Variants in CRADD observed in about 807,000 individuals in gnomAD.
The protein encoded by CRADD is CARD and death domain containing adaptor protein, also known as death domain-containing protein CRADD.
CRADD carries 9 observed loss-of-function variants against 15.5 expected under a neutral mutation model. That is an observed-to-expected ratio of 0.58 (90% CI 0.35 to 1.01). CRADD has a LOEUF of 1.01. Ranked by LOEUF, CRADD falls within the 50% of genes least tolerant of loss-of-function variation. The pLI is 0.02. For synonymous variants in CRADD, 118 were observed against 107.6 expected (o/e 1.10, Z -0.60); for missense variants, 227 against 250.3 (o/e 0.91, Z 0.63).
Position 93,743,729 on chromosome 12 carries a change from G to A in CRADD, c.298+64657G>A, listed in dbSNP as rs77018674. 8.9e-3 allele frequency among the ~76,000 whole-genome samples: 1,355 copies of A among 152,116 alleles called. 28 individuals carry two copies. Among genetic ancestry groups the A allele is most frequent in the African/African-American group, 0.031 (1,298 of 41,486 alleles). On this transcript the variant is annotated intron_variant, in intron 2 of 2. Transcript: ENST00000332896. ...TCAGGGCAACTATGATCACATATTGGGCTCCAGATCCTTGCTTTATGCATC... is the reference window on the plus strand; with the variant it reads ...TCAGGGCAACTATGATCACATATTGAGCTCCAGATCCTTGCTTTATGCATC...
chr12:93,764,360 A>G (rs988111857), intron 2 of CRADD, among the ~76,000 whole-genome samples: 3 of 151,960 alleles, frequency 2.0e-5, no homozygotes, highest in Non-Finnish European at 4.4e-5. Flanking sequence ...ATGTTTAGGG[A>G]TACAAGAGAA....
At chr12:93,801,797 G>A (rs988025616) in intron 2 of CRADD, among the ~76,000 whole-genome samples, 2 of 152,028 alleles carry the variant, frequency 1.3e-5, no homozygotes, top group African/African-American at 4.8e-5. Context: ...TAGTGCACCC[G>A]TCACTTGAGC....
At chr12:93,740,989 T>TTATAAA (rs756685524) in intron 2 of CRADD, among the ~76,000 whole-genome samples, 3 of 152,352 alleles carry the variant, frequency 2.0e-5, no homozygotes, top group Non-Finnish European at 4.4e-5. Context: ...CTTTGCTTTC[T>TTATAAA]TATAAACACT....
intron 2 of CRADD, among the ~76,000 whole-genome samples, chr12:93,817,222 G>A (rs1203088294): frequency 6.6e-6 from 1 of 152,138 alleles, no homozygotes; most frequent in African/African-American, 2.4e-5. Flanking sequence ...TCCTTCAAGA[G>A]ACTGTGACTT....
chr12:93,868,206 C>A (rs1272910647), intron 2 of CRADD, among the ~76,000 whole-genome samples: 1 of 152,150 alleles, frequency 6.6e-6, no homozygotes, highest in African/African-American at 2.4e-5. Context: ...ATGTTCATTG[C>A]ATCATTGCTT....
intron 2 of CRADD, among the ~76,000 whole-genome samples, chr12:93,736,158 A>T (rs1054724333): frequency 5.9e-5 from 9 of 152,156 alleles, no homozygotes; most frequent in African/African-American, 2.2e-4. Context: ...TTTTAGAAAG[A>T]CTTTTGGGGA....
rs903672898 is a variant in CRADD at position 93,883,134 on chromosome 12, C to T, written c.299-10916C>T. Among the ~76,000 whole-genome samples the T allele has an allele frequency of 5.3e-5, 8 of 152,252 alleles. No homozygotes were observed. The East Asian group carries it at 1.5e-3, about 29-fold the overall frequency. Reference sequence around the variant, plus strand: ...GGACAAAGGAGGGAGAAAATGTTCTCCACTGTGAAGACGAGATCACTCTAT... The same window carrying T: ...GGACAAAGGAGGGAGAAAATGTTCTTCACTGTGAAGACGAGATCACTCTAT... On this transcript the variant is annotated intron_variant, in intron 2 of 2. Transcript: ENST00000548483.
At chr12:93,735,679 T>C (rs1592945496) in intron 2 of CRADD, 1 of 152,174 alleles carries the variant, frequency 6.6e-6, no homozygotes. Flanking sequence ...GGCGAGAAGA[T>C]CGCTTGAAGC....
intron 2 of CRADD, among the ~76,000 whole-genome samples, chr12:93,698,770 T>C (rs1326457448): frequency 6.6e-6 from 1 of 152,200 alleles, no homozygotes; most frequent in African/African-American, 2.4e-5. Flanking sequence ...TGTGCACTTT[T>C]AAATGGTTGA....
chr12:93,795,500 C>T (rs1957404749), intron 2 of CRADD, among the ~76,000 whole-genome samples: 1 of 152,206 alleles, frequency 6.6e-6, no homozygotes, highest in African/African-American at 2.4e-5. Flanking sequence ...TTCATGGCTG[C>T]TCGCACGTCC....
chr12:93,880,500 C>T (rs1442172518), intron 2 of CRADD, among the ~76,000 whole-genome samples: 9 of 152,236 alleles, frequency 5.9e-5, no homozygotes, highest in Middle Eastern at 3.4e-3. Flanking sequence ...AATGGGACTG[C>T]GCAGCTCACC....
At chr12:93,828,492 T>C (rs1237624770) in intron 2 of CRADD, among the ~76,000 whole-genome samples, 2 of 152,220 alleles carry the variant, frequency 1.3e-5, no homozygotes, top group East Asian at 3.8e-4. Context: ...GTGTATGATA[T>C]GGGGTATGCC....
intron 2 of CRADD, among the ~76,000 whole-genome samples, chr12:93,762,847 A>G (rs1320966780): frequency 1.3e-5 from 2 of 152,180 alleles, no homozygotes; most frequent in Non-Finnish European, 2.9e-5. Flanking sequence ...AAGAACAGGT[A>G]AGCTAAATAA....
intron 2 of CRADD, among the ~76,000 whole-genome samples, chr12:93,849,736 G>A (rs1958185479): frequency 7.7e-6 from 1 of 129,982 alleles, no homozygotes; most frequent in African/African-American, 3.1e-5. Context: ...GTGAAACACC[G>A]TCTCAAAAAA....
At chr12:93,836,385 G>T (rs1362331851) in intron 2 of CRADD, among the ~76,000 whole-genome samples, 2 of 152,044 alleles carry the variant, frequency 1.3e-5, no homozygotes. Context: ...AGGTGTTAGG[G>T]GATGGAGACT....
intron 2 of CRADD, among the ~76,000 whole-genome samples, chr12:93,750,338 G>T (rs1205267345): frequency 6.6e-6 from 1 of 152,154 alleles, no homozygotes; most frequent in Non-Finnish European, 1.5e-5. Context: ...TTTCAGAGTC[G>T]TAGTAGAGCG....
chr12:93,752,985 C>G (rs1323827572), intron 2 of CRADD, among the ~76,000 whole-genome samples: 6 of 152,054 alleles, frequency 3.9e-5, no homozygotes, highest in African/African-American at 1.4e-4. Context: ...TGAGACTGAT[C>G]CACTATCATG....
At chr12:93,681,150 C>T (rs1018424471) in intron 2 of CRADD, among the ~76,000 whole-genome samples, 5 of 152,194 alleles carry the variant, frequency 3.3e-5, no homozygotes, top group African/African-American at 1.2e-4. Context: ...TCCCAAAGTG[C>T]TGGGATTACA....
At chr12:93,722,344 G>A (rs1330170087) in intron 2 of CRADD, among the ~76,000 whole-genome samples, 2 of 151,974 alleles carry the variant, frequency 1.3e-5, no homozygotes, top group Admixed American at 1.3e-4. Context: ...TATGCTGCTT[G>A]GTATTCTCTA....
Sources: allele counts gnomAD v4.1 joint callset (sites outside exome capture counted in the v4.1 genomes callset), GRCh38; gene constraint gnomAD v4.1.1; transcripts MANE v1.5; gene names NCBI Gene and HGNC (gene_info 2026-07-23, HGNC 2026-07-21).